The following GNAL variants were observed in gnomAD, a reference collection of about 807,000 sequenced individuals.
GNAL encodes the protein guanine nucleotide-binding protein G(olf) subunit alpha.
Under a neutral mutation model 55.1 loss-of-function variants are expected in GNAL, and 18 were observed. The observed-to-expected ratio is 0.33, with a 90% CI of 0.23 to 0.48. The LOEUF (loss-of-function observed/expected upper bound fraction) is 0.48. Ranked by LOEUF, GNAL falls within the 20% of genes least tolerant of loss-of-function variation. GNAL has a pLI of 0.99. For missense variants in GNAL, 412 were observed against 614.1 expected, an observed-to-expected ratio of 0.67 and a Z score of 3.48; for synonymous variants, 253 against 237.0, an observed-to-expected ratio of 1.07 and a Z score of -0.62.
chr18:11,777,083 T>C (rs1250325430), intron 4 of GNAL, among the ~76,000 whole-genome samples: 1 of 152,234 alleles, frequency 6.6e-6, no homozygotes, highest in Non-Finnish European at 1.5e-5. Context: ...AAAAAATTAA[T>C]ATATGATATG....
intron 5 of GNAL, among the ~76,000 whole-genome samples, chr18:11,847,926 C>T (rs1243378104): frequency 6.6e-6 from 1 of 152,138 alleles, no homozygotes; most frequent in Non-Finnish European, 1.5e-5. Flanking sequence ...ATGGAAAAAA[C>T]TTAGAGCCAG....
intron 5 of GNAL, among the ~76,000 whole-genome samples, chr18:11,844,567 C>T (rs2035690204): frequency 6.6e-6 from 1 of 152,166 alleles, no homozygotes; most frequent in South Asian, 2.1e-4. Context: ...TAAGTAAAAG[C>T]TGGGTCTAAG....
chr18:11,736,042 T>G (rs1020668871), intron 1 of GNAL, among the ~76,000 whole-genome samples: 1 of 152,196 alleles, frequency 6.6e-6, no homozygotes, highest in Admixed American at 6.5e-5. Flanking sequence ...GGACTTAACA[T>G]GCCAGTACAT....
intron 4 of GNAL, among the ~76,000 whole-genome samples, chr18:11,809,338 T>A (rs1037094465): frequency 1.3e-5 from 2 of 152,118 alleles, no homozygotes; most frequent in African/African-American, 4.8e-5. Context: ...GAATTGCTTT[T>A]CTTGGTGATA....
intron 2 of GNAL, among the ~76,000 whole-genome samples, chr18:11,753,377 C>T (rs939709593): frequency 1.2e-4 from 18 of 152,108 alleles, no homozygotes; most frequent in South Asian, 6.2e-4. Context: ...TTTCTGTAAC[C>T]TGCATAGTTG....
chr18:11,770,067 G>A (rs558415737), intron 4 of GNAL, among the ~76,000 whole-genome samples: 4 of 152,026 alleles, frequency 2.6e-5, no homozygotes, highest in Admixed American at 6.5e-5. Context: ...TGTCTGTAGT[G>A]GTGTACTATA....
At chr18:11,828,056 T>A (rs1568046027) in intron 5 of GNAL, among the ~76,000 whole-genome samples, 1 of 152,178 alleles carries the variant, frequency 6.6e-6, no homozygotes, top group Non-Finnish European at 1.5e-5. Flanking sequence ...TGAATACAGT[T>A]CTGTGGTTGC....
intron 1 of GNAL, among the ~76,000 whole-genome samples, chr18:11,730,532 C>T (rs971549585): frequency 2.6e-5 from 4 of 151,490 alleles, no homozygotes; most frequent in Non-Finnish European, 2.9e-5. Flanking sequence ...GGGAGGCCAA[C>T]GCAGGTGGAT....
At chr18:11,756,735 C>G (rs1053073217) in intron 4 of GNAL, among the ~76,000 whole-genome samples, 1 of 152,008 alleles carries the variant, frequency 6.6e-6, no homozygotes, top group African/African-American at 2.4e-5. Context: ...TTTTGATGAT[C>G]CTCATTCAGA....
Position 11,855,232 on chromosome 18 carries a change from G to A in GNAL, c.723-7163G>A, listed in dbSNP as rs1262250643. On this transcript the variant is annotated intron_variant, in intron 5 of 11. Coordinates refer to ENST00000334049, the MANE Select transcript of GNAL (RefSeq NM_182978.4). ...TGGGATTACAGGCGTGAGCCACCGCGCCCGGTCCCCTGGCTTCTTCACTGT... is the reference window on the plus strand; with the variant it reads ...TGGGATTACAGGCGTGAGCCACCGCACCCGGTCCCCTGGCTTCTTCACTGT... Among the ~76,000 whole-genome samples, 5 of 152,208 alleles carry A rather than the reference G, an allele frequency of 3.3e-5. No individual in the cohort carries two copies. The South Asian group carries it at 6.2e-4, about 19-fold the overall frequency.
At chr18:11,869,698 A>T (rs928514326) in intron 9 of GNAL, among the ~76,000 whole-genome samples, 1 of 152,148 alleles carries the variant, frequency 6.6e-6, no homozygotes, top group Non-Finnish European at 1.5e-5. Context: ...GAATTGCTTG[A>T]GCTCAGGAAT....
intron 5 of GNAL, among the ~76,000 whole-genome samples, chr18:11,854,947 C>T (rs1048211334): frequency 2.6e-5 from 4 of 152,070 alleles, no homozygotes; most frequent in African/African-American, 7.2e-5. Flanking sequence ...TGTTTTGAGA[C>T]GGAGTCTCAC....
chr18:11,793,672 T>C lies in GNAL; in HGVS notation c.625-31246T>C, dbSNP rs569562632. 4.0e-4 allele frequency among the ~76,000 whole-genome samples: 60 copies of C among 150,550 alleles called. 1 individual carries two copies. In the South Asian group the frequency reaches 0.012, roughly 30 times the overall value. ...CAGGCGCAGTGGCTCACGCCTGTAA[T>C]CCCAACACTTTGGGAGGCTGAGTCA... On this transcript the variant is annotated intron_variant, in intron 4 of 11. Transcript: ENST00000334049.
chr18:11,767,255 T>C (rs967755286), intron 4 of GNAL, among the ~76,000 whole-genome samples: 1 of 151,436 alleles, frequency 6.6e-6, no homozygotes, highest in Non-Finnish European at 1.5e-5. Flanking sequence ...TGCCCCCTTA[T>C]GCTTGCACAC....
At chr18:11,729,343 G>C (rs4635399) in intron 1 of GNAL, among the ~76,000 whole-genome samples, 3 of 152,076 alleles carry the variant, frequency 2.0e-5, no homozygotes, top group Non-Finnish European at 2.9e-5. Context: ...CCTTCCCTAA[G>C]CACAGTGAAC....
chr18:11,711,788 T>C (rs1354343311), intron 1 of GNAL, among the ~76,000 whole-genome samples: 1 of 152,202 alleles, frequency 6.6e-6, no homozygotes, highest in Non-Finnish European at 1.5e-5. Flanking sequence ...TTCTTCATGT[T>C]CCTTATAGCT....
chr18:11,845,732 G>A (rs2143755245), intron 5 of GNAL, among the ~76,000 whole-genome samples: 1 of 151,022 alleles, frequency 6.6e-6, no homozygotes, highest in South Asian at 2.1e-4. Flanking sequence ...ATAAAGGAAG[G>A]AAGGGAGGGA....
chr18:11,783,461 T>C (rs2033975728), intron 4 of GNAL, among the ~76,000 whole-genome samples: 1 of 152,242 alleles, frequency 6.6e-6, no homozygotes, highest in Non-Finnish European at 1.5e-5. Context: ...AATCAGACTT[T>C]TATATTGTGC....
chr18:11,839,387 T>TAA (rs75127479), intron 5 of GNAL, among the ~76,000 whole-genome samples: 102 of 134,984 alleles, frequency 7.6e-4, no homozygotes, highest in African/African-American at 2.7e-3. Flanking sequence ...CTACTAAAAG[T>TAA]AAAAAAAAAA....
Sources: gnomAD v4.1 joint callset for allele counts (sites outside exome capture counted in the v4.1 genomes callset) on GRCh38, gnomAD v4.1.1 for gene constraint, MANE v1.5 for transcripts, NCBI Gene and HGNC (gene_info 2026-07-23, HGNC 2026-07-21) for gene names.